Variants in SYT16 observed in about 807,000 individuals in gnomAD.
The protein encoded by SYT16 is synaptotagmin 16.
Under a neutral mutation model 61.4 loss-of-function variants are expected in SYT16, and 42 were observed. That is an observed-to-expected ratio of 0.68 (90% CI 0.53 to 0.89). The LOEUF is 0.89. Ranked by LOEUF, SYT16 falls within the 40% of genes least tolerant of loss-of-function variation. The probability of loss-of-function intolerance (pLI) is 0.00; values close to 1 mark genes in which losing one functional copy is unlikely to be tolerated. For synonymous variants in SYT16, 314 were observed against 302.3 expected, an observed-to-expected ratio of 1.04 and a Z score of -0.40; for missense variants, 804 against 807.3, an observed-to-expected ratio of 1.00 and a Z score of 0.05.
At chr14:61,943,055 C>T (rs2050270706) in intron 1 of SYT16, among the ~76,000 whole-genome samples, 1 of 152,084 alleles carries the variant, frequency 6.6e-6, no homozygotes, top group Admixed American at 6.6e-5. Flanking sequence ...GGGATATCAC[C>T]ACTGATCCCA....
chr14:61,883,572 C>T (rs112318100), intron 1 of SYT16, among the ~76,000 whole-genome samples: 1 of 152,032 alleles, frequency 6.6e-6, no homozygotes, highest in Admixed American at 6.5e-5. Flanking sequence ...CAACAAGTCT[C>T]TAGGAAGTTC....
intron 1 of SYT16, among the ~76,000 whole-genome samples, chr14:61,880,783 T>C (rs1024786291): frequency 6.6e-6 from 1 of 152,192 alleles, no homozygotes; most frequent in Non-Finnish European, 1.5e-5. Flanking sequence ...TTGTGTATTA[T>C]TCTTATAGGC....
chr14:61,914,941 C>A (rs2049064065), intron 1 of SYT16, among the ~76,000 whole-genome samples: 1 of 152,118 alleles, frequency 6.6e-6, no homozygotes, highest in African/African-American at 2.4e-5. Context: ...AAACTCTTAC[C>A]ATGGCCCATA....
At chr14:61,813,586 G>T (rs980210737) in intron 1 of SYT16, among the ~76,000 whole-genome samples, 1 of 152,128 alleles carries the variant, frequency 6.6e-6, no homozygotes, top group South Asian at 2.1e-4. Flanking sequence ...CAGGTGTGGC[G>T]CATGTTAGGG....
At position 62,112,051 on chromosome 14, in the gene SYT16, T is replaced by G. The variant is rs1402212974; in HGVS notation, c.*11344T>G. On this transcript the variant is annotated 3_prime_UTR_variant, in exon 8 of 8. Coordinates refer to ENST00000683842, the MANE Select transcript of SYT16 (RefSeq NM_001367656.1). ...ATTTTTTAATTGTTAAAAACTGGAA[T>G]ACCTTTCTACCTTTTGTAGTCTTTA... 5.9e-5 allele frequency: 9 copies of G among 152,300 alleles called. No homozygotes were observed. The South Asian group carries it at 1.9e-3, about 32-fold the overall frequency. The allele number at this position is 152,300 out of a possible 1,614,324, so 9.4% of individuals were successfully genotyped here. A position where few individuals can be genotyped will look rare whatever the true frequency, so the allele number is the denominator to read the frequency against.
At chr14:61,983,141 A>G (rs755378698) in intron 2 of SYT16, among the ~76,000 whole-genome samples, 5 of 152,194 alleles carry the variant, frequency 3.3e-5, no homozygotes, top group African/African-American at 9.6e-5. Context: ...ACGAGTTTAT[A>G]TGCTTAACTA....
At chr14:61,826,644 G>A (rs1460463921) in intron 1 of SYT16, among the ~76,000 whole-genome samples, 1 of 151,882 alleles carries the variant, frequency 6.6e-6, no homozygotes, top group African/African-American at 2.4e-5. Flanking sequence ...CGAGGGATGC[G>A]AGGTTTCCAA....
chr14:62,052,569 A>G (rs950041057), intron 3 of SYT16, among the ~76,000 whole-genome samples: 1 of 152,166 alleles, frequency 6.6e-6, no homozygotes, highest in African/African-American at 2.4e-5. Context: ...CTAATGTATT[A>G]TCTTCTGTGT....
chr14:61,829,238 C>T lies in SYT16; in HGVS notation c.-325+16428C>T, dbSNP rs1258052771. ...ACAAAAGAAAAAGTGCCACTTCCTT[C>T]TGGCCTCTATGATTTTAGATGTGGA... is the stretch of plus-strand genomic sequence containing the variant. On this transcript the variant is annotated intron_variant, in intron 1 of 7. Transcript: ENST00000683842. Among the ~76,000 whole-genome samples the T allele has an allele frequency of 9.9e-5, 15 of 151,996 alleles. 1 individual carries two copies. The highest frequency in any genetic ancestry group is 9.8e-4 in the Admixed American group (15 of 15,268).
At position 62,011,924 on chromosome 14, in the gene SYT16, C is replaced by CAT. The variant is rs71449575; in HGVS notation, c.523+15383_523+15384insTA. Reference sequence around the variant, plus strand: ...ACACACATATATATACACACACACACACATATATATATATATATTTGATGC... The same window carrying CAT: ...ACACACATATATATACACACACACACATACATATATATATATATATTTGATGC... On this transcript the variant is annotated intron_variant, in intron 3 of 7. Coordinates refer to ENST00000683842, the MANE Select transcript of SYT16 (RefSeq NM_001367656.1). Among the ~76,000 whole-genome samples the CAT allele has an allele frequency of 3.1e-3, 272 of 86,918 alleles. 9 individuals carry two copies. Among genetic ancestry groups the CAT allele is most frequent in the East Asian group, 9.7e-3 (18 of 1,864 alleles). 57.0% of individuals were successfully genotyped at this position (86,918 alleles called of 152,430 possible).
At chr14:61,979,676 G>T (rs1446854269) in intron 2 of SYT16, among the ~76,000 whole-genome samples, 1 of 152,202 alleles carries the variant, frequency 6.6e-6, no homozygotes, top group Non-Finnish European at 1.5e-5. Flanking sequence ...GAGGTCAAGA[G>T]ATCGAGATCA....
At chr14:61,979,477 G>T (rs879879526) in intron 2 of SYT16, among the ~76,000 whole-genome samples, 10 of 152,134 alleles carry the variant, frequency 6.6e-5, no homozygotes, top group Non-Finnish European at 1.2e-4. Flanking sequence ...GCAGGTCTGT[G>T]CAGTGGCTTC....
chr14:62,080,764 G>A, intron 5 of SYT16, 70 bp from the exon 6 acceptor site: 3 of 1,472,772 alleles, frequency 2.0e-6, no homozygotes, highest in Non-Finnish European at 2.8e-6. Flanking sequence ...GCACAAAGGG[G>A]CACCAACTGG....
At chr14:62,091,126 A>G (rs947496218) in intron 7 of SYT16, among the ~76,000 whole-genome samples, 5 of 152,188 alleles carry the variant, frequency 3.3e-5, no homozygotes, top group Non-Finnish European at 5.9e-5. Context: ...GATGTTAAAA[A>G]ACCCAGTTAC....
At chr14:61,985,162 A>G (rs898995735) in intron 2 of SYT16, among the ~76,000 whole-genome samples, 1 of 152,198 alleles carries the variant, frequency 6.6e-6, no homozygotes, top group Non-Finnish European at 1.5e-5. Flanking sequence ...CCTCATTTTG[A>G]TAACCACTAA....
In SYT16 at chr14:62,110,882, C is replaced by G. The variant is rs903754228; in HGVS notation, c.*10175C>G. 6.6e-6 allele frequency: 1 copy of G among 151,994 alleles called. No homozygotes were observed. The highest frequency in any genetic ancestry group is 1.5e-5 in the Non-Finnish European group (1 of 67,926). The allele number at this position is 151,994 out of a possible 1,614,324, so 9.4% of individuals were successfully genotyped here. ...CCCCTGCCAAAAAAGGTCCTTCAAT[C>G]TCCTTTATTATTTTTCTTTTGAAGA... On this transcript the variant is annotated 3_prime_UTR_variant, in exon 8 of 8. Transcript: ENST00000683842.
intron 1 of SYT16, among the ~76,000 whole-genome samples, chr14:61,863,849 G>A (rs892158006): frequency 6.6e-6 from 1 of 152,094 alleles, no homozygotes; most frequent in Admixed American, 6.5e-5. Flanking sequence ...AGTTGTTCCA[G>A]CACCAGTCGT....
chr14:61,934,925 G>A (rs1185620563), intron 1 of SYT16, among the ~76,000 whole-genome samples: 2 of 152,050 alleles, frequency 1.3e-5, no homozygotes, highest in Non-Finnish European at 2.9e-5. Context: ...TTTTATTATC[G>A]TGAACTCAGT....
chr14:61,895,606 G>C (rs1450645934), intron 1 of SYT16, among the ~76,000 whole-genome samples: 1 of 152,128 alleles, frequency 6.6e-6, no homozygotes, highest in African/African-American at 2.4e-5. Context: ...GTGAATATTA[G>C]CTGTATTTTA....
Sources: allele counts gnomAD v4.1 joint callset (sites outside exome capture counted in the v4.1 genomes callset), GRCh38; gene constraint gnomAD v4.1.1; transcripts MANE v1.5; gene names NCBI Gene and HGNC (gene_info 2026-07-23, HGNC 2026-07-21).